EIF2D: variants seen among roughly 807,000 people sequenced by gnomAD.
The protein encoded by EIF2D is hepatocellular carcinoma-associated antigen 56.
A neutral mutation model predicts 77.4 loss-of-function variants in EIF2D; 56 were observed. That is an observed-to-expected ratio of 0.72 (90% CI 0.58 to 0.90). EIF2D has a LOEUF of 0.90. Ranked by LOEUF, EIF2D falls within the 40% of genes least tolerant of loss-of-function variation. The probability of loss-of-function intolerance (pLI) is 0.00; values close to 1 mark genes in which losing one functional copy is unlikely to be tolerated. For synonymous variants in EIF2D, 230 were observed against 271.0 expected (o/e 0.85, Z 1.49); for missense variants, 574 against 706.5 (o/e 0.81, Z 2.13).
downstream of EIF2D, among the ~76,000 whole-genome samples, chr1:206,589,621 C>T (rs1202177088): frequency 6.6e-6 from 1 of 152,088 alleles, no homozygotes; most frequent in Non-Finnish European, 1.5e-5. Context: ...AGCCATGATT[C>T]TTCTACTTCT....
At position 206,597,436 on chromosome 1, in the gene EIF2D, TACTA is replaced by T. The variant is rs537791769; in HGVS notation, c.1293-245_1293-242del. Among the ~76,000 whole-genome samples, 233 of 152,358 alleles carry T rather than the reference TACTA, an allele frequency of 1.5e-3. 1 individual carries two copies. The highest frequency in any genetic ancestry group is 4.7e-3 in the African/African-American group (194 of 41,578). On this transcript the variant is annotated intron_variant, in intron 11 of 14. Transcript: ENST00000271764. Reference sequence around the variant, plus strand: ...AAATTTGAAGATCAGGAGCCTTTGCTACTAACTAAGCATGTGACCACAGCTTTCT... The same window carrying T: ...AAATTTGAAGATCAGGAGCCTTTGCTACTAAGCATGTGACCACAGCTTTCT...
At chr1:206,572,078 T>C (rs1367959342) in intron 5 of EIF2D, among the ~76,000 whole-genome samples, 2 of 152,220 alleles carry the variant, frequency 1.3e-5, no homozygotes, top group Non-Finnish European at 2.9e-5. Flanking sequence ...TGGTGTTCAG[T>C]AGTCTCAGAA....
chr1:206,608,467 C>T, intron 3 of EIF2D, 141 bp from the exon 4 acceptor site: 2 of 642,700 alleles, frequency 3.1e-6, no homozygotes, highest in African/African-American at 1.9e-5. Flanking sequence ...TGAAAAATGG[C>T]AACTTCCAAC....
Position 206,584,449 on chromosome 1 carries a change from G to C in EIF2D, c.139-3287C>G, listed in dbSNP as rs140334800. The stretch of plus-strand genomic sequence containing the variant: ...ATCTGAAACTCCGGCGGCCTGTGAC[G>C]GTGCCTGCTGGGATCCGGCCCCAGT... On this transcript the variant is annotated intron_variant and NMD_transcript_variant, in intron 2 of 5. Transcript: ENST00000472709. The surrounding 1 kb of genome is among the most constrained non-coding windows in gnomAD (Gnocchi z 4.9). The C allele has an allele frequency of 1.2e-6, 2 of 1,614,020 alleles. No homozygotes were observed. Among genetic ancestry groups the C allele is most frequent in the African/African-American group, 2.7e-5 (2 of 74,906 alleles).
At chr1:206,587,228 G>A (rs113214764), downstream of EIF2D, 7 of 452,866 alleles carry the variant, frequency 1.5e-5, no homozygotes, top group African/African-American at 6.0e-5. Context: ...AACAGCTGAC[G>A]TCCTCTCTCG....
intron 13 of EIF2D, chr1:206,594,052 T>A (rs1356918974): frequency 1.0e-5 from 3 of 288,276 alleles, no homozygotes; most frequent in Admixed American, 5.0e-5. Context: ...ACTTCTTTTT[T>A]AAGTTTTATT....
chr1:206,584,614 CAAG>C lies in EIF2D; in HGVS notation c.139-3455_139-3453del, dbSNP rs782615492. 9.9e-6 allele frequency: 16 copies of C among 1,614,084 alleles called. No homozygotes were observed. In the East Asian group the frequency reaches 2.4e-4, roughly 25 times the overall value. On this transcript the variant is annotated intron_variant and NMD_transcript_variant, in intron 2 of 5. Transcript: ENST00000472709. This position sits in a 1 kb window ranked among gnomAD's most constrained non-coding sequence, Gnocchi z 4.9. Reference sequence around the variant, plus strand: ...TCAGTGAGGTCATCCAGGGGCTGCTCAAGAAGTTCATGGTTGTGGACAATCCCC... The same window carrying C: ...TCAGTGAGGTCATCCAGGGGCTGCTCAAGTTCATGGTTGTGGACAATCCCC...
At position 206,602,366 on chromosome 1, in the gene EIF2D, G is replaced by A; in HGVS notation, c.872C>T (p.Thr291Ile). 2 of 1,614,226 alleles carry A rather than the reference G, an allele frequency of 1.2e-6. No homozygotes were observed. Among genetic ancestry groups the A allele is most frequent in the African/African-American group, 1.3e-5 (1 of 75,074 alleles). Residue 291 changes from threonine to isoleucine, a missense_variant, in exon 7 of 15, where the codon ACT becomes ATT. Physicochemically the swap from Thr to Ile is moderately conservative, Grantham distance 89 (BLOSUM62 -1). Coordinates refer to ENST00000271764, the MANE Select transcript of EIF2D (RefSeq NM_006893.3). ...KKADLPLLTSTFLGSHMFSCC... is the reference protein window; with the variant it reads ...KKADLPLLTSIFLGSHMFSCC... ...GGAGAACATGTGGCTGCCAAGGAAA[G>A]TGCTGGTGAGTAAAGGGAGGTCAGC...
downstream of EIF2D, chr1:206,587,118 C>A: frequency 9.2e-7 from 1 of 1,086,618 alleles, no homozygotes; most frequent in African/African-American, 1.6e-5. Flanking sequence ...TGGCAAAAGT[C>A]TCTTCCATGG....
At chr1:206,587,130 CAAG>C, downstream of EIF2D, 14 of 959,052 alleles carry the variant, frequency 1.5e-5, no homozygotes, top group Non-Finnish European at 2.2e-5. Context: ...CTTCCATGGA[CAAG>C]TGTTTGCACG....
chr1:206,598,433 T>C (rs1309572344), intron 11 of EIF2D, among the ~76,000 whole-genome samples: 1 of 152,186 alleles, frequency 6.6e-6, no homozygotes, highest in Non-Finnish European at 1.5e-5. Flanking sequence ...GGTACAAATA[T>C]ACAGTTAGAT....
Position 206,584,435 on chromosome 1 carries a change from C to T in EIF2D, c.139-3273G>A, listed in dbSNP as rs369854759. On this transcript the variant is annotated intron_variant and NMD_transcript_variant, in intron 2 of 5. Coordinates refer to the EIF2D transcript ENST00000472709. The surrounding 1 kb of genome is among the most constrained non-coding windows in gnomAD (Gnocchi z 4.9). Reference sequence around the variant, plus strand: ...TTTCATCAAAGTGCATCTGAAACTCCGGCGGCCTGTGACGGTGCCTGCTGG... The same window carrying T: ...TTTCATCAAAGTGCATCTGAAACTCTGGCGGCCTGTGACGGTGCCTGCTGG... The T allele has an allele frequency of 9.3e-6, 15 of 1,613,970 alleles. 1 individual carries two copies. The highest frequency in any genetic ancestry group is 5.5e-5 in the South Asian group (5 of 91,078).
chr1:206,612,128 A>G (rs1670526379), intron 1 of EIF2D, among the ~76,000 whole-genome samples, 159 bp downstream of exon 1: 1 of 152,078 alleles, frequency 6.6e-6, no homozygotes. Flanking sequence ...TCACCTCAAA[A>G]TGTGTCTAAC....
intron 3 of EIF2D, among the ~76,000 whole-genome samples, chr1:206,608,572 G>A (rs564534115): frequency 2.4e-4 from 37 of 152,328 alleles, no homozygotes; most frequent in African/African-American, 7.7e-4. Flanking sequence ...GGGGGCTAAA[G>A]GTCAAACAGA....
intron 1 of EIF2D, among the ~76,000 whole-genome samples, 183 bp downstream of exon 1, chr1:206,612,104 G>A (rs1042995106): frequency 5.3e-5 from 8 of 152,150 alleles, no homozygotes; most frequent in African/African-American, 1.7e-4. Context: ...AGAGAGCCAG[G>A]TCCCCCTCCA....
intron 5 of EIF2D, 126 bp from the exon 6 acceptor site, chr1:206,603,330 G>T: frequency 7.6e-7 from 1 of 1,317,192 alleles, no homozygotes; most frequent in Non-Finnish European, 1.0e-6. Flanking sequence ...CCAGGAGGGG[G>T]CAGAGAGCCT....
intron 2 of EIF2D, chr1:206,583,460 C>A: frequency 1.1e-6 from 1 of 940,428 alleles, no homozygotes; most frequent in Non-Finnish European, 1.7e-6. Context: ...ACTCTGAATT[C>A]TGTGGCTACT....
At chr1:206,586,543 C>A (rs984596407) in intron 2 of EIF2D, 1 of 299,168 alleles carries the variant, frequency 3.3e-6, no homozygotes, top group East Asian at 8.6e-5. Flanking sequence ...GTCAAGATCT[C>A]GGCTGCTACA....
chr1:206,603,338 C>T (rs1348187836), intron 5 of EIF2D, 134 bp from the exon 6 acceptor site: 1 of 1,196,800 alleles, frequency 8.4e-7, no homozygotes, highest in South Asian at 1.6e-5. Context: ...GGGCAGAGAG[C>T]CTGTGCCCTC....
Sources: allele counts gnomAD v4.1 joint callset (sites outside exome capture counted in the v4.1 genomes callset), GRCh38; gene constraint gnomAD v4.1.1; non-coding constraint Gnocchi (gnomAD v3.1); transcripts MANE v1.5; gene names NCBI Gene and HGNC (gene_info 2026-07-23, HGNC 2026-07-21).